The following FGFR3 variants were observed in gnomAD, a reference collection of about 807,000 sequenced individuals.
FGFR3 encodes fibroblast growth factor receptor 3.
In FGFR3, 25 loss-of-function variants were observed where a neutral mutation model predicts 82.9. The observed-to-expected ratio is 0.30, with a 90% CI of 0.22 to 0.42. The LOEUF is 0.42. Ranked by LOEUF, FGFR3 falls within the 10% of genes least tolerant of loss-of-function variation. The pLI, the probability that FGFR3 is intolerant of heterozygous loss-of-function variation, is 1.00. For missense variants in FGFR3, 1,026 were observed against 1,161.0 expected, an observed-to-expected ratio of 0.88 and a Z score of 1.69; for synonymous variants, 620 against 516.0, an observed-to-expected ratio of 1.20 and a Z score of -2.73.
intron 4 of FGFR3, among the ~76,000 whole-genome samples, chr4:1,800,318 G>T (rs368778249): frequency 4.6e-5 from 7 of 152,044 alleles, no homozygotes; most frequent in Non-Finnish European, 1.0e-4. Flanking sequence ...CTGGCGTCCC[G>T]GCCTGGAACG....
chr4:1,802,087 C>T, intron 7 of FGFR3, 62 bp downstream of exon 7: 5 of 1,548,836 alleles, frequency 3.2e-6, no homozygotes, highest in Non-Finnish European at 3.5e-6. Flanking sequence ...CCAAGGGTGC[C>T]CCTTGGCTGC....
At chr4:1,798,523 C>T (rs1315703189) in intron 2 of FGFR3, among the ~76,000 whole-genome samples, 1 of 151,034 alleles carries the variant, frequency 6.6e-6, no homozygotes, top group Non-Finnish European at 1.5e-5. Flanking sequence ...CTTGCCCACC[C>T]CAAGGAGCCC....
rs370064407 is a variant in FGFR3 at position 1,804,449 on chromosome 4, C to G, written c.1195C>G (p.Arg399Gly). The G allele has an allele frequency of 6.2e-7, 1 of 1,612,678 alleles. No individual in the cohort carries two copies. Among genetic ancestry groups the G allele is most frequent in the South Asian group, 1.1e-5 (1 of 90,980 alleles). Reference protein sequence around the residue: ...VVAAVTLCRLRSPPKKGLGSP... With the variant: ...VVAAVTLCRLGSPPKKGLGSP... Reference sequence around the variant, plus strand: ...GGCGGCTGTGACGCTCTGCCGCCTGCGCAGCCCCCCCAAGAAAGGCCTGGG... The same window carrying G: ...GGCGGCTGTGACGCTCTGCCGCCTGGGCAGCCCCCCCAAGAAAGGCCTGGG... Residue 399 changes from arginine to glycine, a missense_variant, in exon 9 of 18, where the codon CGC (arginine) becomes GGC (glycine). By Grantham distance (125) the Arg-to-Gly change is moderately radical (BLOSUM62 -2). Around this residue, in one of 9 missense-constraint regions of FGFR3, gnomAD observed 256 missense variants for 217.6 expected, o/e 1.18. Coordinates refer to ENST00000440486, the MANE Select transcript of FGFR3 (RefSeq NM_000142.5).
In FGFR3 at chr4:1,805,860, G is replaced by A. The variant is rs576023546; in HGVS notation, c.1756G>A (p.Glu586Lys). Residue 586 changes from glutamate (E) to lysine (K), a missense_variant, in exon 13 of 18, where the codon GAG becomes AAG. Transcript: ENST00000440486. ...CTCCTTCGACACCTGCAAGCCGCCC[G>A]AGGAGCAGCTCACCTTCAAGGACCT... The part of the protein sequence containing the change: ...DYSFDTCKPP[E>K]EQLTFKDLVS... The A allele has an allele frequency of 2.9e-5, 46 of 1,612,688 alleles. No individual in the cohort carries two copies. The highest frequency in any genetic ancestry group is 2.2e-4 in the Admixed American group (13 of 60,018).
In FGFR3 at chr4:1,807,476, T is replaced by C. The variant is rs1041855359; in HGVS notation, c.*214T>C. 17 of 764,216 alleles carry C rather than the reference T, an allele frequency of 2.2e-5. No individual in the cohort carries two copies. The highest frequency in any genetic ancestry group is 3.6e-5 in the Non-Finnish European group (16 of 442,370). The allele number at this position is 764,216 out of a possible 1,614,324, so 47.3% of individuals were successfully genotyped here. The stretch of plus-strand genomic sequence containing the variant: ...CTTGCCTCCAGGTGCAGAGGTACCC[T>C]GGGTGTCCCCGCTGCTGTGCAACGG... On this transcript the variant is annotated 3_prime_UTR_variant, in exon 18 of 18. Transcript: ENST00000440486.
chr4:1,802,095 T>C (rs1721267678), intron 7 of FGFR3, 70 bp downstream of exon 7: 4 of 1,507,844 alleles, frequency 2.7e-6, no homozygotes, highest in Non-Finnish European at 2.7e-6. Context: ...GCCCCTTGGC[T>C]GCGGGTTGCG....
rs1227937673 is a variant in FGFR3 at position 1,807,770 on chromosome 4, T to C, written c.*508T>C. 1 of 554,922 alleles carries C rather than the reference T, an allele frequency of 1.8e-6. No homozygotes were observed. Among genetic ancestry groups the C allele is most frequent in the Non-Finnish European group, 3.5e-6 (1 of 283,940 alleles). The allele number at this position is 554,922 out of a possible 1,614,324, so 34.4% of individuals were successfully genotyped here. A position where few individuals can be genotyped will look rare whatever the true frequency, so the allele number is the denominator to read the frequency against. The stretch of plus-strand genomic sequence containing the variant: ...CCTCCCCACCTCCAGGCTTTCCCAC[T>C]TCCCACCCTGCCCCTCAGAGACTGA... On this transcript the variant is annotated 3_prime_UTR_variant, in exon 18 of 18. Coordinates refer to ENST00000440486, the MANE Select transcript of FGFR3 (RefSeq NM_000142.5).
intron 8 of FGFR3, 106 bp from the exon 9 acceptor site, chr4:1,804,224 G>C (rs1260553195): frequency 5.3e-6 from 7 of 1,314,020 alleles, no homozygotes; most frequent in Non-Finnish European, 7.3e-6. Context: ...GAGGTTCTGA[G>C]CCCCCTTCCG....
At chr4:1,797,855 G>A (rs1453067824) in intron 2 of FGFR3, among the ~76,000 whole-genome samples, 2 of 152,222 alleles carry the variant, frequency 1.3e-5, no homozygotes, top group African/African-American at 4.8e-5. Flanking sequence ...TGTGTGGCTG[G>A]ATCAGGTGGG....
At chr4:1,797,981 C>T (rs1035109995) in intron 2 of FGFR3, among the ~76,000 whole-genome samples, 36 of 152,144 alleles carry the variant, frequency 2.4e-4, no homozygotes, top group Admixed American at 2.0e-3. Flanking sequence ...CGCAACCCGC[C>T]CAGCTGGGTC....
intron 4 of FGFR3, 114 bp from the exon 5 acceptor site, chr4:1,801,253 C>T (rs1399397575): frequency 8.3e-7 from 1 of 1,207,770 alleles, no homozygotes; most frequent in South Asian, 1.3e-5. Context: ...TCTTCCTACA[C>T]AGGACGGGAA....
At chr4:1,796,612 G>T (rs1336501839) in intron 2 of FGFR3, among the ~76,000 whole-genome samples, 1 of 152,148 alleles carries the variant, frequency 6.6e-6, no homozygotes, top group Non-Finnish European at 1.5e-5. Context: ...AACCCGAGGG[G>T]CTTATGATGG....
intron 2 of FGFR3, 128 bp from the exon 3 acceptor site, chr4:1,799,123 CTGG>C (rs1246574913): frequency 1.4e-5 from 18 of 1,296,630 alleles, no homozygotes; most frequent in Admixed American, 1.7e-5. Context: ...TTTCCAGCCC[CTGG>C]TCTGGTGGGA....
At chr4:1,801,567 C>G (rs942356271) in intron 5 of FGFR3, 31 bp downstream of exon 5, 1 of 1,577,614 alleles carries the variant, frequency 6.3e-7, no homozygotes, top group Non-Finnish European at 8.6e-7. Flanking sequence ...CTGGGCCTGG[C>G]AGGCGCGGTG....
rs139773438 is a variant in FGFR3, at chr4:1,806,668, A to G, written c.2153A>G (p.Asn718Ser). Residue 718 changes from asparagine to serine, a missense_variant, in exon 16 of 18, where the codon AAC becomes AGC. This residue lies in a region of FGFR3 where 155 missense variants were observed against 150.2 expected (regional missense o/e 1.03). Coordinates refer to ENST00000440486, the MANE Select transcript of FGFR3 (RefSeq NM_000142.5). The part of the protein sequence containing the change: ...KEGHRMDKPA[N>S]CTHDLYMIMR... ...GGCCACCGCATGGACAAGCCCGCCA[A>G]CTGCACACACGACCTGTGAGTGGCA... is the stretch of plus-strand genomic sequence containing the variant. 1.3e-4 allele frequency: 215 copies of G among 1,612,480 alleles called. No homozygotes were observed. The East Asian group carries it at 1.5e-3, about 11-fold the overall frequency.
chr4:1,806,400 T>G (rs1721923064), intron 15 of FGFR3, 73 bp downstream of exon 15: 3 of 1,597,250 alleles, frequency 1.9e-6, no homozygotes, highest in Non-Finnish European at 2.6e-6. Flanking sequence ...CCAGCTGCAG[T>G]CCCCAGGCCT....
rs559902717 is a variant in FGFR3, at chr4:1,799,988, A to G, written c.445+176A>G. 2.0e-5 allele frequency among the ~76,000 whole-genome samples: 3 copies of G among 152,192 alleles called. No homozygotes were observed. In the East Asian group the frequency reaches 5.8e-4, roughly 30 times the overall value. ...GGCTGGGTCACTGACATGGCTCTAGATGCCCCACCCTGGTGGCAGGGCTGG... is the reference window on the plus strand; with the variant it reads ...GGCTGGGTCACTGACATGGCTCTAGGTGCCCCACCCTGGTGGCAGGGCTGG... On this transcript the variant is annotated intron_variant, in intron 4 of 17. Transcript: ENST00000440486.
intron 17 of FGFR3, 50 bp downstream of exon 17, chr4:1,806,984 C>G (rs756761813): frequency 6.4e-7 from 1 of 1,561,534 alleles, no homozygotes; most frequent in Non-Finnish European, 8.7e-7. Flanking sequence ...CCTCCCCCTG[C>G]CGTCCCCGGC....
At chr4:1,803,366 T>C (rs1363769699) in intron 7 of FGFR3, among the ~76,000 whole-genome samples, 1 of 152,058 alleles carries the variant, frequency 6.6e-6, no homozygotes, top group Non-Finnish European at 1.5e-5. Context: ...CCCTGCCCGC[T>C]GCCTGCTCGC....
Sources: allele counts gnomAD v4.1 joint callset (sites outside exome capture counted in the v4.1 genomes callset), GRCh38; gene constraint gnomAD v4.1.1; regional missense constraint gnomAD v4.1.1; transcripts MANE v1.5; gene names NCBI Gene and HGNC (gene_info 2026-07-23, HGNC 2026-07-21).